The following MYO3A variants were observed in gnomAD, a reference collection of about 807,000 sequenced individuals.
MYO3A encodes the protein myosin-IIIa.
Under a neutral mutation model 192.7 loss-of-function variants are expected in MYO3A, and 180 were observed. The ratio of observed to expected loss-of-function variants is 0.93; its 90% CI spans 0.83 to 1.06. The LOEUF is 1.06. Among genes scored for constraint, MYO3A ranks in the 50% least tolerant of loss-of-function variants. MYO3A has a pLI of 0.00. For missense variants in MYO3A, 1,896 were observed against 1,905.0 expected (o/e 1.00, Z 0.09); for synonymous variants, 628 against 645.3 (o/e 0.97, Z 0.41).
At chr10:26,180,492 G>A (rs1842569573) in intron 31 of MYO3A, among the ~76,000 whole-genome samples, 3 of 152,052 alleles carry the variant, frequency 2.0e-5, no homozygotes, top group Admixed American at 2.0e-4. Context: ...TATGTTATTG[G>A]GAAATTTCCA....
chr10:25,981,814 C>T (rs1212041954), intron 4 of MYO3A, among the ~76,000 whole-genome samples: 1 of 152,192 alleles, frequency 6.6e-6, no homozygotes, highest in Non-Finnish European at 1.5e-5. Context: ...TCAAGACAGA[C>T]AGAGCAGCAT....
intron 10 of MYO3A, among the ~76,000 whole-genome samples, chr10:26,057,637 G>A (rs918180273): frequency 6.6e-6 from 1 of 152,142 alleles, no homozygotes; most frequent in African/African-American, 2.4e-5. Flanking sequence ...TAGACTTCAA[G>A]GTCCAGTGGA....
intron 31 of MYO3A, among the ~76,000 whole-genome samples, chr10:26,186,244 C>G (rs1842859444): frequency 6.6e-6 from 1 of 151,220 alleles, no homozygotes; most frequent in African/African-American, 2.4e-5. Flanking sequence ...GTCCTGACAT[C>G]CTGTCCATCA....
chr10:25,965,517 G>A (rs1467390368), intron 4 of MYO3A, among the ~76,000 whole-genome samples: 1 of 152,074 alleles, frequency 6.6e-6, no homozygotes, highest in Admixed American at 6.5e-5. Context: ...GGGACGTGAT[G>A]CCAGCACTCC....
intron 29 of MYO3A, among the ~76,000 whole-genome samples, chr10:26,172,240 C>T (rs552449913): frequency 4.3e-4 from 65 of 152,352 alleles, no homozygotes; most frequent in African/African-American, 1.5e-3. Flanking sequence ...CTACCTGAAG[C>T]GCTTGTTTTC....
chr10:26,116,349 T>G (rs892597217), intron 17 of MYO3A, among the ~76,000 whole-genome samples: 1 of 152,246 alleles, frequency 6.6e-6, no homozygotes, highest in African/African-American at 2.4e-5. Context: ...TAAATTTGTC[T>G]TCACCTGGTG....
At chr10:26,092,585 C>A (rs560920625) in intron 15 of MYO3A, among the ~76,000 whole-genome samples, 1 of 152,154 alleles carries the variant, frequency 6.6e-6, no homozygotes, top group Non-Finnish European at 1.5e-5. Flanking sequence ...TACTTTGACA[C>A]CGTTTGAGGC....
chr10:26,028,471 A>G (rs1443618693), intron 10 of MYO3A, among the ~76,000 whole-genome samples: 1 of 152,222 alleles, frequency 6.6e-6, no homozygotes, highest in Admixed American at 6.5e-5. Context: ...GTAGTTTATA[A>G]TGAGGAGATA....
At chr10:26,141,123 T>G (rs1840139490) in intron 20 of MYO3A, among the ~76,000 whole-genome samples, 1 of 152,086 alleles carries the variant, frequency 6.6e-6, no homozygotes, top group Admixed American at 6.6e-5. Flanking sequence ...GAGATGGGGT[T>G]TCACTGTGAC....
chr10:25,940,766 C>G (rs1304816851), intron 2 of MYO3A, among the ~76,000 whole-genome samples: 1 of 152,108 alleles, frequency 6.6e-6, no homozygotes, highest in African/African-American at 2.4e-5. Flanking sequence ...CTACTGTCTT[C>G]TTTTGAAAAA....
chr10:26,200,276 G>A (rs534354320), intron 32 of MYO3A, among the ~76,000 whole-genome samples: 3 of 152,182 alleles, frequency 2.0e-5, no homozygotes, highest in South Asian at 2.1e-4. Flanking sequence ...TGAAAAAAAC[G>A]TGACTTACTG....
intron 6 of MYO3A, among the ~76,000 whole-genome samples, chr10:26,006,416 C>T (rs1184208895): frequency 6.6e-6 from 1 of 152,020 alleles, no homozygotes; most frequent in East Asian, 1.9e-4. Context: ...CACAAAAAAC[C>T]CTTCAAAAAA....
At chr10:25,966,963 G>A (rs771185571) in intron 4 of MYO3A, among the ~76,000 whole-genome samples, 23 of 152,144 alleles carry the variant, frequency 1.5e-4, no homozygotes, top group East Asian at 3.9e-4. Flanking sequence ...TAAATGAGGC[G>A]AACACTACAA....
intron 6 of MYO3A, among the ~76,000 whole-genome samples, chr10:25,999,801 C>T (rs770339219): frequency 6.6e-6 from 1 of 152,276 alleles, no homozygotes. Flanking sequence ...TAGAAAGTCG[C>T]CCACATCTAC....
intron 34 of MYO3A, among the ~76,000 whole-genome samples, chr10:26,208,743 T>G (rs1844091332): frequency 6.6e-6 from 1 of 152,140 alleles, no homozygotes; most frequent in Non-Finnish European, 1.5e-5. Context: ...GTTTTTTTCT[T>G]TTTCTTTTCC....
chr10:26,064,615 C>T (rs888918795), intron 10 of MYO3A, among the ~76,000 whole-genome samples: 1 of 151,946 alleles, frequency 6.6e-6, no homozygotes, highest in Non-Finnish European at 1.5e-5. Context: ...AAGATGGCAG[C>T]AGGCAAACCT....
In MYO3A at chr10:26,067,177, G is replaced by T. The variant is rs1834905352; in HGVS notation, c.1053+103G>T. 6.5e-6 allele frequency: 5 copies of T among 774,304 alleles called. No homozygotes were observed. The East Asian group carries it at 1.3e-4, about 21-fold the overall frequency. The allele number at this position is 774,304 out of a possible 1,614,324, so 48.0% of individuals were successfully genotyped here. On this transcript the variant is annotated intron_variant, in intron 11 of 34. Coordinates refer to ENST00000642920, the MANE Select transcript of MYO3A (RefSeq NM_017433.5). ...GGGGAAGGAATATATAGATTATGAT[G>T]GTTATTAAGAATCTTAACACTCACT...
At chr10:26,008,345 A>G (rs1425889728) in intron 6 of MYO3A, among the ~76,000 whole-genome samples, 1 of 148,546 alleles carries the variant, frequency 6.7e-6, no homozygotes, top group African/African-American at 2.6e-5. Flanking sequence ...TATCTAAAAC[A>G]CCAAAAGCAA....
chr10:25,954,083 C>T (rs1262190755), intron 3 of MYO3A, among the ~76,000 whole-genome samples: 1 of 151,962 alleles, frequency 6.6e-6, no homozygotes, highest in Non-Finnish European at 1.5e-5. Context: ...TTACAGTAAC[C>T]AGCTCTGACT....
Sources: gnomAD v4.1 joint callset for allele counts (sites outside exome capture counted in the v4.1 genomes callset) on GRCh38, gnomAD v4.1.1 for gene constraint, MANE v1.5 for transcripts, NCBI Gene and HGNC (gene_info 2026-07-23, HGNC 2026-07-21) for gene names.